The following PTDSS1 variants were observed in gnomAD, a reference collection of about 807,000 sequenced individuals.
PTDSS1 encodes phosphatidylserine synthase 1.
A neutral mutation model predicts 70.5 loss-of-function variants in PTDSS1; 45 were observed. The ratio of observed to expected loss-of-function variants is 0.64; its 90% CI spans 0.50 to 0.82. PTDSS1 has a LOEUF of 0.82. PTDSS1 is among the 40% of genes least tolerant of loss of function. The pLI is 0.00. For missense variants in PTDSS1, 417 were observed against 586.1 expected, an observed-to-expected ratio of 0.71 and a Z score of 2.98; for synonymous variants, 188 against 203.8, an observed-to-expected ratio of 0.92 and a Z score of 0.66.
At chr8:96,321,186 T>C (rs989965558) in intron 10 of PTDSS1, among the ~76,000 whole-genome samples, 1 of 152,190 alleles carries the variant, frequency 6.6e-6, no homozygotes, top group African/African-American at 2.4e-5. Context: ...TCCTCTTATG[T>C]TGTACTCACT....
At chr8:96,285,140 T>C (rs1810803513) in intron 3 of PTDSS1, among the ~76,000 whole-genome samples, 1 of 152,238 alleles carries the variant, frequency 6.6e-6, no homozygotes, top group Non-Finnish European at 1.5e-5. Context: ...TGACAGGAGC[T>C]GGTGTCTGGT....
chr8:96,334,677 A>G lies in PTDSS1; in HGVS notation c.*1111A>G, dbSNP rs1811570566. The stretch of plus-strand genomic sequence containing the variant: ...GTGTTTTACATAGTGAGAAGAAAAA[A>G]GAAAAGATGTGTATTTTAAAGGGCT... On this transcript the variant is annotated 3_prime_UTR_variant, in exon 13 of 13. Transcript: ENST00000517309. 6.6e-6 allele frequency: 1 copy of G among 152,498 alleles called. No homozygotes were observed. The highest frequency in any genetic ancestry group is 6.5e-5 in the Admixed American group (1 of 15,286). The allele number at this position is 152,498 out of a possible 1,614,324, so 9.4% of individuals were successfully genotyped here. A position where few individuals can be genotyped will look rare whatever the true frequency, so the allele number is the denominator to read the frequency against.
intron 9 of PTDSS1, 29 bp from the exon 10 acceptor site, chr8:96,320,217 T>C (rs746322054): frequency 6.5e-7 from 1 of 1,530,622 alleles, no homozygotes; most frequent in East Asian, 2.2e-5. Flanking sequence ...GATGGATTAA[T>C]ACTTAACCTC....
At chr8:96,290,765 T>G (rs1349659562) in intron 4 of PTDSS1, among the ~76,000 whole-genome samples, 1 of 151,568 alleles carries the variant, frequency 6.6e-6, no homozygotes, top group Non-Finnish European at 1.5e-5. Flanking sequence ...TTCCTAATCT[T>G]GATAGACCAT....
intron 7 of PTDSS1, among the ~76,000 whole-genome samples, chr8:96,306,058 G>A (rs1227079557): frequency 2.0e-5 from 3 of 152,162 alleles, no homozygotes; most frequent in African/African-American, 7.2e-5. Context: ...TTTCTGTAAG[G>A]CAGCATAGGT....
chr8:96,269,865 G>C (rs1810540100), intron 1 of PTDSS1, among the ~76,000 whole-genome samples: 1 of 152,206 alleles, frequency 6.6e-6, no homozygotes, highest in African/African-American at 2.4e-5. Flanking sequence ...GCATTAACTA[G>C]AAGAAGGAAT....
chr8:96,292,289 C>CAAAAAA (rs34282078), intron 4 of PTDSS1, among the ~76,000 whole-genome samples: 16 of 87,714 alleles, frequency 1.8e-4, no homozygotes, highest in African/African-American at 3.8e-4. Context: ...AACGCTGTCT[C>CAAAAAA]AAAAAAAAAA....
chr8:96,315,287 C>A (rs1210400741), intron 9 of PTDSS1, among the ~76,000 whole-genome samples: 4 of 152,186 alleles, frequency 2.6e-5, no homozygotes, highest in Non-Finnish European at 4.4e-5. Context: ...GAGGGGGTCT[C>A]CCACACTCTC....
intron 8 of PTDSS1, among the ~76,000 whole-genome samples, chr8:96,307,449 CAAAAAAAAAAAAA>C (rs56284473): frequency 1.2e-4 from 6 of 50,656 alleles, no homozygotes; most frequent in South Asian, 2.0e-3. Flanking sequence ...TCAATATTAC[CAAAAAAAAAAAAA>C]AAAAAAAAAA....
At chr8:96,283,814 A>G (rs903604524) in intron 2 of PTDSS1, 2 of 343,660 alleles carry the variant, frequency 5.8e-6, no homozygotes, top group East Asian at 1.2e-4. Flanking sequence ...CCCACTCACT[A>G]TTACAACATT....
At chr8:96,283,553 T>A (rs1434408306) in intron 2 of PTDSS1, 4 of 152,452 alleles carry the variant, frequency 2.6e-5, no homozygotes, top group Non-Finnish European at 4.4e-5. Flanking sequence ...GCACAGGTCA[T>A]AATGAAAAGC....
chr8:96,308,046 G>A (rs1811150599), intron 8 of PTDSS1, among the ~76,000 whole-genome samples: 1 of 152,152 alleles, frequency 6.6e-6, no homozygotes, highest in African/African-American at 2.4e-5. Flanking sequence ...CGGAAAGATG[G>A]ATGTGCTGCT....
intron 4 of PTDSS1, among the ~76,000 whole-genome samples, chr8:96,293,612 C>A (rs1240009607): frequency 3.9e-5 from 6 of 152,252 alleles, no homozygotes. Context: ...GGATAATTGG[C>A]AAATCTGTTC....
rs1811580169 is a variant in PTDSS1, at chr8:96,335,356, G to A, written c.*1790G>A. On this transcript the variant is annotated 3_prime_UTR_variant, in exon 13 of 13. Transcript: ENST00000517309. ...CTGCTTTTCTAAGCATGACATACTT[G>A]TGCCCATTGGAGAAGACACCTGTCT... 1.3e-5 allele frequency: 2 copies of A among 152,096 alleles called. No homozygotes were observed. Among genetic ancestry groups the A allele is most frequent in the South Asian group, 2.1e-4 (1 of 4,828 alleles). The allele number at this position is 152,096 out of a possible 1,614,324, so 9.4% of individuals were successfully genotyped here. A position where few individuals can be genotyped will look rare whatever the true frequency, so the allele number is the denominator to read the frequency against.
intron 10 of PTDSS1, among the ~76,000 whole-genome samples, chr8:96,322,345 G>C (rs1811383688): frequency 6.6e-6 from 1 of 152,134 alleles, no homozygotes. Flanking sequence ...TCTGACAGCT[G>C]GGAAGTCCAA....
intron 2 of PTDSS1, among the ~76,000 whole-genome samples, chr8:96,278,257 A>G (rs984693147): frequency 6.6e-6 from 1 of 152,202 alleles, no homozygotes; most frequent in Non-Finnish European, 1.5e-5. Context: ...ACAGAAATTT[A>G]TAGTGTTTAG....
At chr8:96,299,915 T>C in intron 6 of PTDSS1, 70 bp downstream of exon 6, 4 of 1,495,514 alleles carry the variant, frequency 2.7e-6, no homozygotes, top group Non-Finnish European at 3.6e-6. Flanking sequence ...TTGGTAGGAA[T>C]CCATTTTAGT....
Position 96,325,150 on chromosome 8 carries a change from T to C in PTDSS1, c.1173+4805T>C, listed in dbSNP as rs150357323. ...CACTTTGAGGGAAGGTATTTTATTA[T>C]CCCTCTTTTACAGATGAGGAAACAA... On this transcript the variant is annotated intron_variant, in intron 10 of 12. Transcript: ENST00000517309. 6.6e-3 allele frequency among the ~76,000 whole-genome samples: 1,004 copies of C among 152,242 alleles called. 13 individuals carry two copies. Among genetic ancestry groups the C allele is most frequent in the African/African-American group, 0.023 (952 of 41,520 alleles).
At chr8:96,323,618 C>T (rs1319977561) in intron 10 of PTDSS1, among the ~76,000 whole-genome samples, 1 of 152,172 alleles carries the variant, frequency 6.6e-6, no homozygotes, top group Non-Finnish European at 1.5e-5. Context: ...GTCAGTGAGC[C>T]CGTGGAGGGC....
Sources: gnomAD v4.1 joint callset for allele counts (sites outside exome capture counted in the v4.1 genomes callset) on GRCh38, gnomAD v4.1.1 for gene constraint, MANE v1.5 for transcripts, NCBI Gene and HGNC (gene_info 2026-07-23, HGNC 2026-07-21) for gene names.